DSCAM: variants seen among roughly 807,000 people sequenced by gnomAD.
DSCAM encodes cell adhesion molecule DSCAM.
Under a neutral mutation model 217.7 loss-of-function variants are expected in DSCAM, and 47 were observed. The observed-to-expected ratio is 0.22, with a 90% CI of 0.17 to 0.28. The LOEUF (loss-of-function observed/expected upper bound fraction) is 0.28, where lower values mean the gene tolerates loss of function less well. DSCAM is among the 10% of genes least tolerant of loss of function. The pLI is 1.00. For missense variants in DSCAM, 2,080 were observed against 2,618.3 expected, an observed-to-expected ratio of 0.79 and a Z score of 4.49; for synonymous variants, 1,056 against 1,015.3, an observed-to-expected ratio of 1.04 and a Z score of -0.76.
At chr21:40,721,519 T>C (rs2090900813) in intron 1 of DSCAM, among the ~76,000 whole-genome samples, 5 of 151,998 alleles carry the variant, frequency 3.3e-5, no homozygotes. Flanking sequence ...AGATTCAAAA[T>C]GTAATATATG....
At chr21:40,704,331 A>C (rs936240304) in intron 2 of DSCAM, among the ~76,000 whole-genome samples, 4 of 152,158 alleles carry the variant, frequency 2.6e-5, no homozygotes, top group African/African-American at 7.2e-5. Flanking sequence ...CAGGCATTTA[A>C]ATTTCCCCCA....
intron 11 of DSCAM, among the ~76,000 whole-genome samples, chr21:40,205,602 CAA>C (rs35725347): frequency 0.06 from 4,975 of 83,346 alleles, 249 homozygotes; most frequent in African/African-American, 0.18. Flanking sequence ...GACTCTATCT[CAA>C]AAAAAAAAAA....
chr21:40,215,940 TA>T (rs5844006), intron 11 of DSCAM, among the ~76,000 whole-genome samples: 75,336 of 144,010 alleles, frequency 0.52, 19,270 homozygotes, highest in Middle Eastern at 0.63. Context: ...TCTTCTCCTT[TA>T]AAAAAAAAAA....
intron 3 of DSCAM, among the ~76,000 whole-genome samples, chr21:40,370,716 G>A (rs2074888043): frequency 6.6e-6 from 1 of 151,996 alleles, no homozygotes; most frequent in East Asian, 1.9e-4. Flanking sequence ...CACCTCCTGA[G>A]CTCAAGCAAT....
chr21:40,411,175 TACACACACACAC>T (rs902494368), intron 3 of DSCAM, among the ~76,000 whole-genome samples: 484 of 45,126 alleles, frequency 0.011, 6 homozygotes, highest in South Asian at 0.039. Context: ...AGTAATTATA[TACACACACACAC>T]ACACACACAC....
chr21:40,677,076 T>C (rs1298352293), intron 3 of DSCAM, among the ~76,000 whole-genome samples: 2 of 151,896 alleles, frequency 1.3e-5, no homozygotes, highest in African/African-American at 4.8e-5. Flanking sequence ...GGAATCTCAG[T>C]ATGGCCTTTC....
chr21:40,084,434 G>A (rs1262457601), intron 23 of DSCAM, among the ~76,000 whole-genome samples: 1 of 151,006 alleles, frequency 6.6e-6, no homozygotes, highest in African/African-American at 2.4e-5. Flanking sequence ...AGGGGAAGGA[G>A]GAAAAATAGC....
At chr21:40,227,612 C>A (rs1330680741) in intron 11 of DSCAM, among the ~76,000 whole-genome samples, 2 of 152,166 alleles carry the variant, frequency 1.3e-5, no homozygotes, top group East Asian at 1.9e-4. Context: ...AGTACCACCC[C>A]TTTCCCCCAC....
chr21:40,785,876 T>G (rs1415945221), intron 1 of DSCAM, among the ~76,000 whole-genome samples: 1 of 152,224 alleles, frequency 6.6e-6, no homozygotes, highest in Non-Finnish European at 1.5e-5. Context: ...TTCCACATAC[T>G]CCCATCATCA....
Position 40,637,487 on chromosome 21 carries a change from A to AT in DSCAM, c.508+55322_508+55323insA, listed in dbSNP as rs1491200681. ...TATATATAAATATATATAAATATAT[A>AT]AAAATATATAAATATATATAAATAT... On this transcript the variant is annotated intron_variant, in intron 3 of 32. Coordinates refer to ENST00000400454, the MANE Select transcript of DSCAM (RefSeq NM_001389.5). Among the ~76,000 whole-genome samples, 3 of 22,428 alleles carry AT rather than the reference A, an allele frequency of 1.3e-4. 1 individual carries two copies. Among genetic ancestry groups the AT allele is most frequent in the African/African-American group, 4.6e-4 (3 of 6,508 alleles). 14.7% of individuals were successfully genotyped at this position (22,428 alleles called of 152,430 possible).
chr21:40,153,866 G>A lies in DSCAM; in HGVS notation c.3019-9135C>T, dbSNP rs79874770. 5.6e-3 allele frequency among the ~76,000 whole-genome samples: 857 copies of A among 152,274 alleles called. 58 individuals carry two copies. The East Asian group carries it at 0.12, about 22-fold the overall frequency. On this transcript the variant is annotated intron_variant, in intron 16 of 32. Transcript: ENST00000400454. ...GGAGAGACTATTTAGTTAAAAAGCAGCAACTATGCATTCCCCCATTTCTCA... is the reference window on the plus strand; with the variant it reads ...GGAGAGACTATTTAGTTAAAAAGCAACAACTATGCATTCCCCCATTTCTCA...
chr21:40,383,031 T>C (rs1286023162), intron 3 of DSCAM: 1 of 152,072 alleles, frequency 6.6e-6, no homozygotes, highest in Non-Finnish European at 1.5e-5. Flanking sequence ...TAAAGAGAGA[T>C]TGGAAATGAT....
chr21:40,685,311 G>A (rs1339495917), intron 3 of DSCAM, among the ~76,000 whole-genome samples: 2 of 152,172 alleles, frequency 1.3e-5, no homozygotes, highest in Non-Finnish European at 2.9e-5. Flanking sequence ...TGGTATCTGG[G>A]AACTAGGATA....
intron 3 of DSCAM, among the ~76,000 whole-genome samples, chr21:40,674,793 C>T (rs1446839937): frequency 2.0e-5 from 3 of 151,928 alleles, no homozygotes; most frequent in South Asian, 2.1e-4. Flanking sequence ...CCACCACGCC[C>T]GGCTAATCTT....
intron 32 of DSCAM, among the ~76,000 whole-genome samples, chr21:40,033,253 A>G (rs1472108452): frequency 6.6e-6 from 1 of 152,124 alleles, no homozygotes; most frequent in South Asian, 2.1e-4. Context: ...CGGCATTTCC[A>G]TCTGAGGTAC....
At chr21:40,048,459 C>T (rs2146490412) in intron 30 of DSCAM, among the ~76,000 whole-genome samples, 1 of 152,252 alleles carries the variant, frequency 6.6e-6, no homozygotes, top group Non-Finnish European at 1.5e-5. Context: ...CAGAACCAGC[C>T]AAGGGATGTG....
At chr21:40,343,850 T>C (rs1013156322) in intron 6 of DSCAM, among the ~76,000 whole-genome samples, 3 of 150,494 alleles carry the variant, frequency 2.0e-5, no homozygotes, top group African/African-American at 4.8e-5. Flanking sequence ...ATTATTATTT[T>C]ATTTCATTTT....
chr21:40,349,385 G>C (rs80251121), intron 5 of DSCAM, among the ~76,000 whole-genome samples: 13,457 of 151,640 alleles, frequency 0.089, 1,376 homozygotes, highest in African/African-American at 0.25. Context: ...CTTTAAAATG[G>C]GGCTGAGTGA....
rs1193092475 is a variant in DSCAM, at chr21:40,334,635, CCTT to C, written c.1783+3463_1783+3465del. 3.9e-5 allele frequency among the ~76,000 whole-genome samples: 6 copies of C among 152,110 alleles called. No individual in the cohort carries two copies. In the South Asian group the frequency reaches 8.3e-4, roughly 21 times the overall value. ...TTCTCAGCACAGGAATCAGATGCGT[CCTT>C]CTTCTTTTTAGAGATGGGGTCTCAC... On this transcript the variant is annotated intron_variant, in intron 8 of 32. Coordinates refer to ENST00000400454, the MANE Select transcript of DSCAM (RefSeq NM_001389.5).
Sources: gnomAD v4.1 joint callset for allele counts (sites outside exome capture counted in the v4.1 genomes callset) on GRCh38, gnomAD v4.1.1 for gene constraint, MANE v1.5 for transcripts, NCBI Gene and HGNC (gene_info 2026-07-23, HGNC 2026-07-21) for gene names.